PARP8: variants seen among roughly 807,000 people sequenced by gnomAD.
The protein encoded by PARP8 is poly(ADP-ribose) polymerase family member 8, also known as protein mono-ADP-ribosyltransferase PARP8.
PARP8 carries 51 observed loss-of-function variants against 124.1 expected under a neutral mutation model. That is an observed-to-expected ratio of 0.41 (90% CI 0.33 to 0.52). The LOEUF is 0.52. Ranked by LOEUF, PARP8 falls within the 20% of genes least tolerant of loss-of-function variation. The pLI is 0.21. For synonymous variants in PARP8, 391 were observed against 361.5 expected (o/e 1.08, Z -0.93); for missense variants, 860 against 1,018.9 (o/e 0.84, Z 2.12).
intron 2 of PARP8, among the ~76,000 whole-genome samples, chr5:50,725,442 T>TTAAGA (rs1218181019): frequency 2.0e-5 from 3 of 152,150 alleles, no homozygotes; most frequent in African/African-American, 7.2e-5. Context: ...TGTAGCAAGA[T>TTAAGA]ACTTAGTTAT....
chr5:50,711,496 C>G (rs527625859), intron 2 of PARP8, among the ~76,000 whole-genome samples: 1 of 152,158 alleles, frequency 6.6e-6, no homozygotes, highest in South Asian at 2.1e-4. Context: ...CTTTCATTTT[C>G]ATTTCTGGAT....
Position 50,827,873 on chromosome 5 carries a change from T to C in PARP8, c.1978-71T>C. On this transcript the variant is annotated intron_variant, in intron 19 of 25. Coordinates refer to ENST00000281631, the MANE Select transcript of PARP8 (RefSeq NM_024615.4). ...TGGGTAATTCTTAAACCAATAAAATTTGAAATTGTCATCAGCCTGAATATA... is the reference window on the plus strand; with the variant it reads ...TGGGTAATTCTTAAACCAATAAAATCTGAAATTGTCATCAGCCTGAATATA... 5.2e-6 allele frequency: 6 copies of C among 1,143,538 alleles called. No homozygotes were observed. The South Asian group carries it at 7.8e-5, about 15-fold the overall frequency. 70.8% of individuals were successfully genotyped at this position (1,143,538 alleles called of 1,614,324 possible).
chr5:50,757,384 C>T (rs1319610216), intron 3 of PARP8, among the ~76,000 whole-genome samples: 1 of 152,042 alleles, frequency 6.6e-6, no homozygotes, highest in South Asian at 2.1e-4. Context: ...ATAATTGAAC[C>T]AGTTTTCTAG....
chr5:50,696,853 G>T (rs1372714515), intron 2 of PARP8, among the ~76,000 whole-genome samples: 1 of 152,046 alleles, frequency 6.6e-6, no homozygotes, highest in African/African-American at 2.4e-5. Flanking sequence ...GCTGCCGTCA[G>T]CCCCTCAGGA....
rs1338362466 is a variant in PARP8 at position 50,778,158 on chromosome 5, G to C, written c.579+29G>C. 3 of 1,442,076 alleles carry C rather than the reference G, an allele frequency of 2.1e-6. No individual in the cohort carries two copies. In the African/African-American group the frequency reaches 4.3e-5, roughly 21 times the overall value. The allele number at this position is 1,442,076 out of a possible 1,614,324, so 89.3% of individuals were successfully genotyped here. On this transcript the variant is annotated intron_variant, in intron 8 of 25. Transcript: ENST00000281631. ...AGTATCAATTTTATGTAATATGAAT[G>C]GTGCATTTAAAATACATTTTATTTT...
rs143161256 is a variant in PARP8 at position 50,770,254 on chromosome 5, T to C, written c.518+7012T>C. Among the ~76,000 whole-genome samples, 20 of 152,300 alleles carry C rather than the reference T, an allele frequency of 1.3e-4. No homozygotes were observed. In the East Asian group the frequency reaches 3.9e-3, roughly 29 times the overall value. ...GGCTGTAGATAAGACTTTGAATATA[T>C]TTGTTATTATTTTCTTAGGATTAAC... On this transcript the variant is annotated intron_variant, in intron 7 of 25. Transcript: ENST00000281631.
At position 50,722,589 on chromosome 5, in the gene PARP8, G is replaced by A. The variant is rs1335385867; in HGVS notation, c.147-27562G>A. Among the ~76,000 whole-genome samples, 5 of 152,072 alleles carry A rather than the reference G, an allele frequency of 3.3e-5. No individual in the cohort carries two copies. The South Asian group carries it at 1.0e-3, about 32-fold the overall frequency. ...TAGGTTTATTATAGTATTACCTAATGTCATATCAGAATTGTTCCAAAAAAC... is the reference window on the plus strand; with the variant it reads ...TAGGTTTATTATAGTATTACCTAATATCATATCAGAATTGTTCCAAAAAAC... On this transcript the variant is annotated intron_variant, in intron 2 of 25. Coordinates refer to ENST00000281631, the MANE Select transcript of PARP8 (RefSeq NM_024615.4).
At chr5:50,774,331 C>T (rs545810818) in intron 7 of PARP8, among the ~76,000 whole-genome samples, 2 of 152,284 alleles carry the variant, frequency 1.3e-5, no homozygotes, top group East Asian at 1.9e-4. Flanking sequence ...CATCATGGCC[C>T]GTTCTCGATG....
intron 3 of PARP8, among the ~76,000 whole-genome samples, chr5:50,754,433 GTTTGGTTT>G (rs1759677504): frequency 6.6e-6 from 1 of 151,742 alleles, no homozygotes; most frequent in South Asian, 2.1e-4. Flanking sequence ...AACATGTGGT[GTTTGGTTT>G]TTTGTCCTTG....
intron 15 of PARP8, among the ~76,000 whole-genome samples, chr5:50,819,646 G>A (rs1475779478): frequency 1.3e-5 from 2 of 151,782 alleles, no homozygotes; most frequent in East Asian, 3.9e-4. Flanking sequence ...TCACCACATT[G>A]GCCAGGCTGG....
Position 50,843,069 on chromosome 5 carries a change from T to C in PARP8, c.*1001T>C, listed in dbSNP as rs1223532609. Reference sequence around the variant, plus strand: ...ATATTTGTTCATCTAATATCTCTGCTTATTTTTTTCATATTGAGAAAGAAC... The same window carrying C: ...ATATTTGTTCATCTAATATCTCTGCCTATTTTTTTCATATTGAGAAAGAAC... On this transcript the variant is annotated 3_prime_UTR_variant, in exon 26 of 26. Transcript: ENST00000281631. 1.4e-5 allele frequency: 2 copies of C among 138,956 alleles called. No individual in the cohort carries two copies. The highest frequency in any genetic ancestry group is 4.3e-4 in the East Asian group (2 of 4,692). The allele number at this position is 138,956 out of a possible 1,614,324, so 8.6% of individuals were successfully genotyped here. A position where few individuals can be genotyped will look rare whatever the true frequency, so the allele number is the denominator to read the frequency against.
chr5:50,671,523 A>G (rs1328010740), intron 2 of PARP8, among the ~76,000 whole-genome samples: 1 of 152,154 alleles, frequency 6.6e-6, no homozygotes, highest in Non-Finnish European at 1.5e-5. Flanking sequence ...AAAATAAAAA[A>G]AAAGTTAGAA....
At chr5:50,838,250 C>A (rs1293406504) in intron 25 of PARP8, among the ~76,000 whole-genome samples, 2 of 152,018 alleles carry the variant, frequency 1.3e-5, no homozygotes, top group South Asian at 2.1e-4. Flanking sequence ...TTTTCCATTT[C>A]TTTTTCCTTG....
chr5:50,696,208 C>T (rs1166887388), intron 2 of PARP8, among the ~76,000 whole-genome samples: 1 of 152,080 alleles, frequency 6.6e-6, no homozygotes, highest in Non-Finnish European at 1.5e-5. Flanking sequence ...TGTATCATCA[C>T]TTTTTAGACT....
chr5:50,760,020 C>G (rs531645887), intron 4 of PARP8, among the ~76,000 whole-genome samples: 1 of 152,140 alleles, frequency 6.6e-6, no homozygotes, highest in Admixed American at 6.5e-5. Flanking sequence ...ACCACACTTA[C>G]AGCAATGAAG....
At chr5:50,700,564 G>A (rs575540196) in intron 2 of PARP8, among the ~76,000 whole-genome samples, 1 of 152,156 alleles carries the variant, frequency 6.6e-6, no homozygotes, top group Non-Finnish European at 1.5e-5. Context: ...AGTGAAATTG[G>A]AGACTTAATT....
At chr5:50,722,015 A>C (rs1177335025) in intron 2 of PARP8, among the ~76,000 whole-genome samples, 1 of 151,966 alleles carries the variant, frequency 6.6e-6, no homozygotes, top group East Asian at 1.9e-4. Context: ...AGCTGAACCA[A>C]ATTTTATTTT....
At chr5:50,666,259 T>C (rs1305236273), upstream of PARP8, 3 of 152,290 alleles carry the variant, frequency 2.0e-5, no homozygotes, top group Non-Finnish European at 4.4e-5. Flanking sequence ...ATTTGTTCGT[T>C]TTATTATTTT....
At chr5:50,701,498 C>G (rs1394310875) in intron 2 of PARP8, among the ~76,000 whole-genome samples, 1 of 151,974 alleles carries the variant, frequency 6.6e-6, no homozygotes, top group Non-Finnish European at 1.5e-5. Context: ...TATTTGCTCC[C>G]CTTTGCATAG....
Sources: gnomAD v4.1 joint callset for allele counts (sites outside exome capture counted in the v4.1 genomes callset) on GRCh38, gnomAD v4.1.1 for gene constraint, MANE v1.5 for transcripts, NCBI Gene and HGNC (gene_info 2026-07-23, HGNC 2026-07-21) for gene names.